Variants in ADCY9 observed in about 807,000 individuals in gnomAD.
ADCY9 encodes adenylate cyclase type 9.
ADCY9 carries 50 observed loss-of-function variants against 101.5 expected under a neutral mutation model. That is an observed-to-expected ratio of 0.49 (90% CI 0.39 to 0.62). The LOEUF (loss-of-function observed/expected upper bound fraction) is 0.62. Ranked by LOEUF, ADCY9 falls within the 20% of genes least tolerant of loss-of-function variation. ADCY9 has a pLI of 0.00. For missense variants in ADCY9, 1,662 were observed against 1,800.4 expected (o/e 0.92, Z 1.39); for synonymous variants, 905 against 769.3 (o/e 1.18, Z -2.92).
At chr16:4,014,923 A>G (rs1337368442) in intron 2 of ADCY9, among the ~76,000 whole-genome samples, 3 of 133,660 alleles carry the variant, frequency 2.2e-5, no homozygotes, top group East Asian at 4.6e-4. Flanking sequence ...GAGTGACCAC[A>G]TTCCCCTGTT....
intron 2 of ADCY9, among the ~76,000 whole-genome samples, chr16:4,074,514 G>A (rs1267149125): frequency 3.3e-5 from 5 of 150,008 alleles, no homozygotes; most frequent in Admixed American, 2.0e-4. Flanking sequence ...GGGCAACATA[G>A]TGAGGATCTG....
chr16:3,960,794 TA>T (rs1325744996), downstream of ADCY9, among the ~76,000 whole-genome samples: 1 of 152,204 alleles, frequency 6.6e-6, no homozygotes, highest in African/African-American at 2.4e-5. Flanking sequence ...TAATATTCAT[TA>T]ACAACTCTTT....
intron 2 of ADCY9, among the ~76,000 whole-genome samples, chr16:4,097,060 T>C (rs1345369242): frequency 2.0e-5 from 3 of 152,132 alleles, no homozygotes; most frequent in African/African-American, 7.2e-5. Flanking sequence ...ATAAATATAC[T>C]TCTTGAAATC....
intron 2 of ADCY9, among the ~76,000 whole-genome samples, chr16:4,097,487 T>TATATATACATACACACACACAC (rs76750792): frequency 1.4e-5 from 1 of 72,512 alleles, no homozygotes; most frequent in African/African-American, 5.2e-5. Flanking sequence ...TATATATATA[T>TATATATACATACACACACACAC]ACACACACAC....
chr16:4,003,622 T>C lies in ADCY9; in HGVS notation c.1884+3746A>G, dbSNP rs142088014. Among the ~76,000 whole-genome samples the C allele has an allele frequency of 9.4e-4, 141 of 149,428 alleles. 1 individual carries two copies. Among genetic ancestry groups the C allele is most frequent in the Non-Finnish European group, 1.7e-3 (117 of 67,456 alleles). Reference sequence around the variant, plus strand: ...TTCTGTCACCCTGGTTGGAGTGCAGTGGCATCATCACAGCTCACTGCAGCC... The same window carrying C: ...TTCTGTCACCCTGGTTGGAGTGCAGCGGCATCATCACAGCTCACTGCAGCC... On this transcript the variant is annotated intron_variant, in intron 3 of 10. Coordinates refer to ENST00000294016, the MANE Select transcript of ADCY9 (RefSeq NM_001116.4).
intron 3 of ADCY9, 68 bp from the exon 4 acceptor site, chr16:3,993,578 G>T: frequency 6.3e-7 from 1 of 1,579,428 alleles, no homozygotes; most frequent in Non-Finnish European, 8.7e-7. Context: ...ATTCAGGCAG[G>T]TCCGCTGTTG....
chr16:4,097,911 C>T (rs528079722), intron 2 of ADCY9, among the ~76,000 whole-genome samples: 2 of 152,228 alleles, frequency 1.3e-5, no homozygotes, highest in African/African-American at 4.8e-5. Context: ...ATATGCCTGG[C>T]TATATTCCCA....
intron 3 of ADCY9, among the ~76,000 whole-genome samples, chr16:4,005,233 C>CA (rs1051484130): frequency 1.3e-5 from 2 of 152,046 alleles, no homozygotes; most frequent in African/African-American, 4.8e-5. Context: ...ACCCTCCTCC[C>CA]TTTTTTTGGA....
chr16:4,024,121 C>G (rs1330469704), intron 2 of ADCY9, among the ~76,000 whole-genome samples: 1 of 151,856 alleles, frequency 6.6e-6, no homozygotes, highest in East Asian at 1.9e-4. Context: ...CTCCTGGGTT[C>G]GAGTGATTCT....
At chr16:4,091,855 G>A (rs1282037669) in intron 2 of ADCY9, among the ~76,000 whole-genome samples, 1 of 152,214 alleles carries the variant, frequency 6.6e-6, no homozygotes. Flanking sequence ...TCCTTCTAGG[G>A]GTGATGAAAA....
At chr16:3,978,679 G>C (rs2056114030) in intron 8 of ADCY9, among the ~76,000 whole-genome samples, 1 of 152,220 alleles carries the variant, frequency 6.6e-6, no homozygotes, top group South Asian at 2.1e-4. Flanking sequence ...GCTCAGGAGA[G>C]TAAAAGAGTT....
chr16:4,042,316 T>C (rs1438522441), intron 2 of ADCY9, among the ~76,000 whole-genome samples: 3 of 152,156 alleles, frequency 2.0e-5, no homozygotes, highest in African/African-American at 7.2e-5. Context: ...ATTCTCCCGC[T>C]TGGCCTCTCA....
chr16:4,031,151 G>A (rs1164366940), intron 2 of ADCY9, among the ~76,000 whole-genome samples: 1 of 152,150 alleles, frequency 6.6e-6, no homozygotes, highest in Non-Finnish European at 1.5e-5. Flanking sequence ...GGGGAAATTT[G>A]AACATGAACT....
At chr16:3,969,537 C>G (rs1287536647) in intron 10 of ADCY9, among the ~76,000 whole-genome samples, 1 of 129,312 alleles carries the variant, frequency 7.7e-6, no homozygotes, top group African/African-American at 2.8e-5. Context: ...CCACACCTGG[C>G]TGAGTAGCAC....
chr16:4,034,582 G>T (rs2056577428), intron 2 of ADCY9, among the ~76,000 whole-genome samples: 1 of 152,014 alleles, frequency 6.6e-6, no homozygotes, highest in Non-Finnish European at 1.5e-5. Context: ...GCTAATTTTT[G>T]TATTATTAGT....
chr16:3,972,271 C>T (rs1371362082), intron 10 of ADCY9, among the ~76,000 whole-genome samples: 2 of 151,782 alleles, frequency 1.3e-5, no homozygotes, highest in African/African-American at 2.4e-5. Context: ...GCTCTGTCCC[C>T]CAGGCTGGAG....
intron 3 of ADCY9, among the ~76,000 whole-genome samples, chr16:3,998,757 AGAAAAGAAAAGAAAAGAAAAG>A (rs1567431120): frequency 3.5e-4 from 2 of 5,740 alleles, no homozygotes; most frequent in Non-Finnish European, 7.0e-4. Flanking sequence ...AAGAAAGAAA[AGAAAAGAAAAGAAAAGAAAAG>A]AAAAGAAAAG....
At position 3,971,585 on chromosome 16, in the gene ADCY9, C is replaced by T. The variant is rs185472847; in HGVS notation, c.2870+3084G>A. On this transcript the variant is annotated intron_variant, in intron 10 of 10. Coordinates refer to ENST00000294016, the MANE Select transcript of ADCY9 (RefSeq NM_001116.4). ...AAATAACCATTTGTTACGATGATGA[C>T]TCAAACATATTTCTGTCCAGCTCCA... 1.3e-4 allele frequency among the ~76,000 whole-genome samples: 20 copies of T among 152,308 alleles called. No homozygotes were observed. In the East Asian group the frequency reaches 3.7e-3, roughly 28 times the overall value.
chr16:3,984,852 G>A (rs1440100900), intron 6 of ADCY9, among the ~76,000 whole-genome samples: 2 of 152,218 alleles, frequency 1.3e-5, no homozygotes, highest in Non-Finnish European at 1.5e-5. Context: ...GGCAGCCCTG[G>A]GTGCGGTGTG....
Sources: allele counts gnomAD v4.1 joint callset (sites outside exome capture counted in the v4.1 genomes callset), GRCh38; gene constraint gnomAD v4.1.1; transcripts MANE v1.5; gene names NCBI Gene and HGNC (gene_info 2026-07-23, HGNC 2026-07-21).